SPMIP1: variants seen among roughly 807,000 people sequenced by gnomAD.
SPMIP1 encodes sperm microtubule inner protein 1.
the SPMIP1 span, chr7:128,869,069 C>T: frequency 7.4e-6 from 3 of 406,912 alleles, no homozygotes; most frequent in Non-Finnish European, 1.3e-5. Context: ...CCAGGAAGTT[C>T]TGGGTGTTCC....
At chr7:128,866,747 A>G in the SPMIP1 span, 1 of 1,535,884 alleles carries the variant, frequency 6.5e-7, no homozygotes. Context: ...CGGTACCGCT[A>G]CCTCAACACT....
the SPMIP1 span, chr7:128,870,056 T>G: frequency 6.6e-6 from 1 of 152,288 alleles, no homozygotes; most frequent in South Asian, 2.1e-4. Flanking sequence ...CCACGCCCCC[T>G]CCCGGGCGGC....
chr7:128,868,847 G>A, the SPMIP1 span: 1 of 1,005,158 alleles, frequency 9.9e-7, no homozygotes, highest in Non-Finnish European at 1.5e-6. Flanking sequence ...AAGCTGCTGT[G>A]TGTGTCTGTG....
chr7:128,868,596 G>A, the SPMIP1 span: 1 of 974,182 alleles, frequency 1.0e-6, no homozygotes, highest in Non-Finnish European at 1.5e-6. Flanking sequence ...TGTGCAGACA[G>A]ACAGGGCTCC....
chr7:128,870,666 C>A, the SPMIP1 span: 2 of 152,238 alleles, frequency 1.3e-5, no homozygotes, highest in African/African-American at 4.8e-5. Flanking sequence ...CCAGGGGTCC[C>A]GGGAGTGAGC....
the SPMIP1 span, chr7:128,869,363 T>A: frequency 6.5e-6 from 1 of 154,136 alleles, no homozygotes; most frequent in African/African-American, 2.4e-5. Context: ...TGCAGTGCGC[T>A]CACTTCAAAG....
At chr7:128,868,530 A>G in the SPMIP1 span, 8 of 556,986 alleles carry the variant, frequency 1.4e-5, no homozygotes, top group Non-Finnish European at 2.2e-5. Context: ...CATTCCTCCA[A>G]AGCACTTTCT....
chr7:128,870,433 T>C, the SPMIP1 span: 3 of 152,388 alleles, frequency 2.0e-5, no homozygotes, highest in Admixed American at 6.5e-5. Context: ...GTCTTCACCT[T>C]CTGACTCTGA....
At chr7:128,869,007 G>A in the SPMIP1 span, 1 of 439,968 alleles carries the variant, frequency 2.3e-6, no homozygotes, top group Non-Finnish European at 4.0e-6. Flanking sequence ...TGGGAAGGGC[G>A]AGCACTACTT....
chr7:128,866,920 A>C, the SPMIP1 span: 43 of 1,274,066 alleles, frequency 3.4e-5, no homozygotes, highest in Non-Finnish European at 4.2e-5. Context: ...CCAGACTATA[A>C]ACAGAGCAAG....
the SPMIP1 span, chr7:128,870,057 C>T: frequency 6.6e-6 from 1 of 152,262 alleles, no homozygotes; most frequent in Admixed American, 6.5e-5. Flanking sequence ...CACGCCCCCT[C>T]CCGGGCGGCC....
At chr7:128,867,228 G>A in the SPMIP1 span, among the ~76,000 whole-genome samples, 1 of 152,196 alleles carries the variant, frequency 6.6e-6, no homozygotes, top group Non-Finnish European at 1.5e-5. Context: ...CATGAGTTGG[G>A]CATCTGTTTG....
the SPMIP1 span, chr7:128,866,957 T>C: frequency 1.1e-6 from 1 of 933,992 alleles, no homozygotes; most frequent in Non-Finnish European, 1.6e-6. Context: ...GTCGACACGT[T>C]CCACAGAACT....
chr7:128,868,671 C>T, the SPMIP1 span: 2 of 1,533,986 alleles, frequency 1.3e-6, no homozygotes, highest in Admixed American at 2.0e-5. Context: ...CCCAGGCCCC[C>T]CAGTGAAGCA....
At chr7:128,868,609 T>C in the SPMIP1 span, 3 of 1,134,816 alleles carry the variant, frequency 2.6e-6, no homozygotes, top group Non-Finnish European at 3.8e-6. Flanking sequence ...AGGGCTCCCA[T>C]GCTCTGCGTG....
chr7:128,868,764 CTGGCCCTCTGACCG>C, the SPMIP1 span: 1 of 1,534,464 alleles, frequency 6.5e-7, no homozygotes, highest in Middle Eastern at 1.7e-4. Flanking sequence ...TCCCCGAGAC[CTGGCCCTCTGACCG>C]TGGGCCAGGT....
the SPMIP1 span, among the ~76,000 whole-genome samples, chr7:128,867,943 G>C: frequency 1.3e-5 from 2 of 152,198 alleles, no homozygotes; most frequent in Non-Finnish European, 2.9e-5. Context: ...GGGGGCAGGA[G>C]GGCTGAGCCA....
the SPMIP1 span, among the ~76,000 whole-genome samples, chr7:128,868,381 T>G: frequency 6.6e-6 from 1 of 152,326 alleles, no homozygotes; most frequent in East Asian, 1.9e-4. Context: ...ATCTCATCTC[T>G]CCACAGTCTG....
chr7:128,866,796 C>CATCA, the SPMIP1 span: 1 of 1,535,434 alleles, frequency 6.5e-7, no homozygotes, highest in Non-Finnish European at 8.7e-7. Context: ...ACCTCTTCCC[C>CATCA]ATCACCACCA....
Sources: gnomAD v4.1 joint callset for allele counts (sites outside exome capture counted in the v4.1 genomes callset) on GRCh38, gnomAD v4.1.1 for gene constraint, MANE v1.5 for transcripts, NCBI Gene and HGNC (gene_info 2026-07-23, HGNC 2026-07-21) for gene names.